The following ROR1 variants were observed in gnomAD, a reference collection of about 807,000 sequenced individuals.
ROR1 encodes the protein ROR family WNT receptor 1, also known as inactive tyrosine-protein kinase transmembrane receptor ROR1.
In ROR1, 19 loss-of-function variants were observed where a neutral mutation model predicts 78.8. The observed-to-expected ratio is 0.24, with a 90% CI of 0.17 to 0.35. ROR1 has a LOEUF of 0.35. Ranked by LOEUF, ROR1 falls within the 10% of genes least tolerant of loss-of-function variation. The pLI is 1.00. For synonymous variants in ROR1, 386 were observed against 433.6 expected, an observed-to-expected ratio of 0.89 and a Z score of 1.36; for missense variants, 917 against 1,177.8, an observed-to-expected ratio of 0.78 and a Z score of 3.24.
intron 1 of ROR1, among the ~76,000 whole-genome samples, chr1:63,815,000 C>G (rs998595071): frequency 2.6e-5 from 4 of 152,174 alleles, no homozygotes; most frequent in African/African-American, 9.7e-5. Context: ...TCTGTCCTGC[C>G]AGCCTTTTTC....
At position 64,140,353 on chromosome 1, in the gene ROR1, C is replaced by A. The variant is rs1256294178; in HGVS notation, c.855C>A (p.Leu285=). 6.2e-7 allele frequency: 1 copy of A among 1,614,022 alleles called. No homozygotes were observed. The highest frequency in any genetic ancestry group is 8.5e-7 in the Non-Finnish European group (1 of 1,179,990). Residue 285 remains leucine (L), a synonymous_variant, in exon 6 of 9, where the codon CTC becomes CTA. Transcript: ENST00000371079. The part of the protein sequence containing the change: ...MRLKLPNCED[L]PQPESPEAAN... Reference sequence around the variant, plus strand: ...TGAAACTGCCAAACTGTGAAGATCTCCCCCAGCCAGAGAGCCCAGAAGCTG... The same window carrying A: ...TGAAACTGCCAAACTGTGAAGATCTACCCCAGCCAGAGAGCCCAGAAGCTG...
At chr1:64,075,976 G>T (rs1647047326) in intron 4 of ROR1, among the ~76,000 whole-genome samples, 1 of 152,156 alleles carries the variant, frequency 6.6e-6, no homozygotes. Flanking sequence ...CCAGCAGTGG[G>T]TTTCCTCCAG....
intron 1 of ROR1, among the ~76,000 whole-genome samples, chr1:63,804,844 G>A (rs1644818316): frequency 6.6e-6 from 1 of 152,130 alleles, no homozygotes; most frequent in Admixed American, 6.5e-5. Context: ...CTGCAGCAGA[G>A]GATGCCATCT....
At chr1:64,164,524 G>A (rs570879858) in intron 8 of ROR1, among the ~76,000 whole-genome samples, 1 of 152,310 alleles carries the variant, frequency 6.6e-6, no homozygotes, top group South Asian at 2.1e-4. Flanking sequence ...CTTTGAGATA[G>A]CATGTCTGGC....
intron 4 of ROR1, among the ~76,000 whole-genome samples, chr1:64,089,568 T>TG (rs2100642168): frequency 6.6e-6 from 1 of 152,256 alleles, no homozygotes; most frequent in South Asian, 2.1e-4. Flanking sequence ...GGACATTAAC[T>TG]GGGGAATAAA....
intron 4 of ROR1, among the ~76,000 whole-genome samples, chr1:64,132,588 T>A (rs7525089): frequency 0.051 from 7,715 of 151,582 alleles, 659 homozygotes; most frequent in African/African-American, 0.17. Flanking sequence ...GGTGAAACCC[T>A]GTCTCTACTA....
At chr1:63,843,323 G>A (rs866432579) in intron 1 of ROR1, 72 of 1,158,396 alleles carry the variant, frequency 6.2e-5, no homozygotes, top group Middle Eastern at 2.1e-4. Flanking sequence ...TCTTGACGGC[G>A]TCCTTGGAGC....
intron 1 of ROR1, among the ~76,000 whole-genome samples, chr1:63,840,651 A>C (rs1645044131): frequency 6.6e-6 from 1 of 152,146 alleles, no homozygotes; most frequent in Admixed American, 6.5e-5. Flanking sequence ...TGTGAGTTGA[A>C]GGCAAATAGT....
intron 6 of ROR1, among the ~76,000 whole-genome samples, chr1:64,141,343 T>C (rs1448991281): frequency 9.1e-5 from 11 of 121,104 alleles, no homozygotes; most frequent in Admixed American, 1.7e-4. Context: ...GCTTCTTACA[T>C]GGCAGGAGCA....
chr1:64,124,757 C>G (rs577364968), intron 4 of ROR1, among the ~76,000 whole-genome samples: 1 of 152,286 alleles, frequency 6.6e-6, no homozygotes, highest in Admixed American at 6.5e-5. Context: ...CCTTCTGCAT[C>G]CCAAGTGCTG....
chr1:63,876,669 T>TGG (rs1557539619), intron 1 of ROR1, among the ~76,000 whole-genome samples: 1 of 121,778 alleles, frequency 8.2e-6, no homozygotes, highest in Non-Finnish European at 1.6e-5. Flanking sequence ...TGTGTGTGTG[T>TGG]GTGTGTGTGT....
chr1:64,006,114 C>T (rs2100538918), intron 1 of ROR1, among the ~76,000 whole-genome samples: 1 of 152,286 alleles, frequency 6.6e-6, no homozygotes, highest in Non-Finnish European at 1.5e-5. Flanking sequence ...TTGGAAAAAC[C>T]AAGTGACATA....
chr1:64,058,161 T>C (rs1646889720), intron 4 of ROR1, among the ~76,000 whole-genome samples: 1 of 152,232 alleles, frequency 6.6e-6, no homozygotes, highest in Non-Finnish European at 1.5e-5. Context: ...ATACAATTAA[T>C]TTTTGTATAT....
intron 1 of ROR1, among the ~76,000 whole-genome samples, chr1:63,882,319 A>T (rs1221185568): frequency 1.3e-5 from 2 of 152,174 alleles, no homozygotes; most frequent in Admixed American, 1.3e-4. Context: ...CAACACTAAA[A>T]AAATACCGAT....
At chr1:64,113,206 A>G (rs1423388026) in intron 4 of ROR1, among the ~76,000 whole-genome samples, 1 of 152,052 alleles carries the variant, frequency 6.6e-6, no homozygotes, top group Non-Finnish European at 1.5e-5. Flanking sequence ...ATTTCTGTAA[A>G]TGTCTTTTCT....
rs550105238 is a variant in ROR1 at position 63,886,785 on chromosome 1, C to G, written c.91+112277C>G. ...GAGAAAACCCTCCATACTCGACCAC[C>G]CACCTCCACACTGGCACAAATCCAG... On this transcript the variant is annotated intron_variant, in intron 1 of 8. Transcript: ENST00000371079. Among the ~76,000 whole-genome samples the G allele has an allele frequency of 2.0e-5, 3 of 152,282 alleles. No homozygotes were observed. The East Asian group carries it at 5.8e-4, about 29-fold the overall frequency.
chr1:64,084,812 A>G (rs1223372795), intron 4 of ROR1, among the ~76,000 whole-genome samples: 2 of 152,170 alleles, frequency 1.3e-5, no homozygotes, highest in African/African-American at 4.8e-5. Context: ...ATGCCTTGAG[A>G]AGGTCAACGC....
At chr1:64,013,967 G>A (rs571367116) in intron 2 of ROR1, among the ~76,000 whole-genome samples, 25 of 152,368 alleles carry the variant, frequency 1.6e-4, no homozygotes, top group African/African-American at 4.8e-4. Flanking sequence ...CAGGTTGCAC[G>A]CATCATTTGA....
intron 4 of ROR1, among the ~76,000 whole-genome samples, chr1:64,088,981 T>A (rs960851323): frequency 5.3e-5 from 8 of 152,156 alleles, no homozygotes; most frequent in African/African-American, 1.9e-4. Flanking sequence ...GACACAGTGA[T>A]TTTTTTAAGA....
Sources: allele counts gnomAD v4.1 joint callset (sites outside exome capture counted in the v4.1 genomes callset), GRCh38; gene constraint gnomAD v4.1.1; transcripts MANE v1.5; gene names NCBI Gene and HGNC (gene_info 2026-07-23, HGNC 2026-07-21).